SLAMF6: variants seen among roughly 807,000 people sequenced by gnomAD.
SLAMF6 encodes SLAM family member 6.
Under a neutral mutation model 38.3 loss-of-function variants are expected in SLAMF6, and 21 were observed. The ratio of observed to expected loss-of-function variants is 0.55; its 90% CI spans 0.39 to 0.79. The LOEUF (loss-of-function observed/expected upper bound fraction) is 0.79, where lower values mean the gene tolerates loss of function less well. Among genes scored for constraint, SLAMF6 ranks in the 30% least tolerant of loss-of-function variants. The pLI, the probability that SLAMF6 is intolerant of heterozygous loss-of-function variation, is 0.00. For synonymous variants in SLAMF6, 152 were observed against 146.3 expected (o/e 1.04, Z -0.28); for missense variants, 341 against 385.3 (o/e 0.89, Z 0.96).
At chr1:160,514,418 C>T (rs1229551917) in intron 1 of SLAMF6, among the ~76,000 whole-genome samples, 1 of 152,166 alleles carries the variant, frequency 6.6e-6, no homozygotes, top group Non-Finnish European at 1.5e-5. Flanking sequence ...GAGACTTTAA[C>T]ATCCACTGTC....
Position 160,489,016 on chromosome 1 carries a change from G to T in SLAMF6, c.879+72C>A, listed in dbSNP as rs1405065118. ...CAGTGGTCATTTGTTCAGTCAGATGGTTATGGTGACAAGTTTGTGAACAAT... is the reference window on the plus strand; with the variant it reads ...CAGTGGTCATTTGTTCAGTCAGATGTTTATGGTGACAAGTTTGTGAACAAT... On this transcript the variant is annotated intron_variant, in intron 6 of 7. Coordinates refer to ENST00000368057, the MANE Select transcript of SLAMF6 (RefSeq NM_001184714.2). 1.2e-5 allele frequency: 16 copies of T among 1,380,540 alleles called. No homozygotes were observed. The Admixed American group carries it at 1.8e-4, about 16-fold the overall frequency. The allele number at this position is 1,380,540 out of a possible 1,614,324, so 85.5% of individuals were successfully genotyped here. A position where few individuals can be genotyped will look rare whatever the true frequency, so the allele number is the denominator to read the frequency against.
chr1:160,496,971 A>C (rs2102028739), intron 1 of SLAMF6, among the ~76,000 whole-genome samples: 1 of 152,294 alleles, frequency 6.6e-6, no homozygotes, highest in Non-Finnish European at 1.5e-5. Context: ...TTCCATTTAT[A>C]GATAAAGGAA....
intron 2 of SLAMF6, among the ~76,000 whole-genome samples, chr1:160,493,264 T>C (rs1653400202): frequency 6.6e-6 from 1 of 152,306 alleles, no homozygotes; most frequent in South Asian, 2.1e-4. Flanking sequence ...TCTATGCGGA[T>C]GGCGTGTCTT....
intron 1 of SLAMF6, among the ~76,000 whole-genome samples, chr1:160,497,253 A>G (rs1190708817): frequency 6.6e-6 from 1 of 152,200 alleles, no homozygotes; most frequent in Non-Finnish European, 1.5e-5. Context: ...TTAAGCAAAA[A>G]CGGTGAAATG....
chr1:160,487,490 C>G (rs191130149), intron 6 of SLAMF6, among the ~76,000 whole-genome samples: 1 of 152,136 alleles, frequency 6.6e-6, no homozygotes, highest in Non-Finnish European at 1.5e-5. Flanking sequence ...TTTCCTTCCT[C>G]CATTTTTAAG....
In SLAMF6 at chr1:160,486,421, A is replaced by G. The variant is rs1308306303; in HGVS notation, c.*286T>C. 1 of 354,074 alleles carries G rather than the reference A, an allele frequency of 2.8e-6. No individual in the cohort carries two copies. The highest frequency in any genetic ancestry group is 2.1e-5 in the African/African-American group (1 of 47,628). 21.9% of individuals were successfully genotyped at this position (354,074 alleles called of 1,614,324 possible). A position where few individuals can be genotyped will look rare whatever the true frequency, so the allele number is the denominator to read the frequency against. On this transcript the variant is annotated 3_prime_UTR_variant, in exon 8 of 8. Coordinates refer to ENST00000368057, the MANE Select transcript of SLAMF6 (RefSeq NM_001184714.2). ...CTGTCAACCATAATTCCATTTGCTTAGTTATCAAAGAGAGAGTCAATGTGC... is the reference window on the plus strand; with the variant it reads ...CTGTCAACCATAATTCCATTTGCTTGGTTATCAAAGAGAGAGTCAATGTGC...
At chr1:160,522,179 C>T (rs758905061) in intron 1 of SLAMF6, among the ~76,000 whole-genome samples, 1 of 152,170 alleles carries the variant, frequency 6.6e-6, no homozygotes, top group Non-Finnish European at 1.5e-5. Flanking sequence ...ATAACTATTA[C>T]AAGAGCTTGT....
chr1:160,486,872 A>C (rs1304609129), intron 7 of SLAMF6, 118 bp from the exon 8 acceptor site: 1 of 1,154,072 alleles, frequency 8.7e-7, no homozygotes, highest in Non-Finnish European at 1.3e-6. Context: ...AGATATTGAT[A>C]GCATAGGGCA....
chr1:160,519,098 CTT>C (rs1654873263), intron 1 of SLAMF6, among the ~76,000 whole-genome samples: 1 of 152,194 alleles, frequency 6.6e-6, no homozygotes, highest in Non-Finnish European at 1.5e-5. Context: ...ATAAACAACT[CTT>C]ATAACTCAAT....
At chr1:160,513,770 T>C (rs1039746774) in intron 1 of SLAMF6, among the ~76,000 whole-genome samples, 2 of 152,136 alleles carry the variant, frequency 1.3e-5, no homozygotes, top group South Asian at 4.1e-4. Context: ...TGAAGCTTCA[T>C]AAGCAAAGGA....
intron 1 of SLAMF6, among the ~76,000 whole-genome samples, chr1:160,512,178 AGAG>A (rs1654504641): frequency 6.6e-6 from 1 of 152,210 alleles, no homozygotes; most frequent in Admixed American, 6.5e-5. Flanking sequence ...TGCCAGTGCC[AGAG>A]GGACTGGTGG....
chr1:160,492,721 C>T lies in SLAMF6; in HGVS notation c.383-1333G>A, dbSNP rs73012477. Among the ~76,000 whole-genome samples the T allele has an allele frequency of 9.8e-3, 1,488 of 152,306 alleles. 20 individuals are homozygous for T. Among genetic ancestry groups the T allele is most frequent in the African/African-American group, 0.033 (1,392 of 41,556 alleles). The stretch of plus-strand genomic sequence containing the variant: ...CTCCCGTTTTTCTCTCCCAAACCTT[C>T]TCAACCTGCAGTTTTACCCATCTGA... On this transcript the variant is annotated intron_variant, in intron 2 of 7. Transcript: ENST00000368057.
chr1:160,492,090 C>T (rs1653334249), intron 2 of SLAMF6, among the ~76,000 whole-genome samples: 1 of 152,094 alleles, frequency 6.6e-6, no homozygotes, highest in South Asian at 2.1e-4. Context: ...TGTGAGATGA[C>T]ATGTGATGTA....
intron 1 of SLAMF6, among the ~76,000 whole-genome samples, chr1:160,517,216 C>T (rs1274692125): frequency 1.3e-5 from 2 of 152,108 alleles, no homozygotes; most frequent in African/African-American, 2.4e-5. Flanking sequence ...TTAACAGACA[C>T]TTCTCAAAAG....
At chr1:160,487,054 T>G (rs1440226729) in intron 7 of SLAMF6, 50 bp downstream of exon 7, 5 of 1,454,126 alleles carry the variant, frequency 3.4e-6, no homozygotes, top group Non-Finnish European at 4.8e-6. Context: ...AAATCATAGG[T>G]CTGTGGAGAG....
At chr1:160,497,994 C>A (rs1653683315) in intron 1 of SLAMF6, among the ~76,000 whole-genome samples, 1 of 151,826 alleles carries the variant, frequency 6.6e-6, no homozygotes. Context: ...GGCTATATAC[C>A]CAGTAATGGG....
chr1:160,519,886 A>C (rs1316594801), intron 1 of SLAMF6, among the ~76,000 whole-genome samples: 1 of 152,186 alleles, frequency 6.6e-6, no homozygotes, highest in African/African-American at 2.4e-5. Flanking sequence ...GTGGTTTCAC[A>C]AAATGTACAA....
chr1:160,516,406 A>G (rs532838177), intron 1 of SLAMF6, among the ~76,000 whole-genome samples: 38 of 152,334 alleles, frequency 2.5e-4, no homozygotes. Context: ...AAGAATCAAC[A>G]TCATGAAAAT....
At chr1:160,507,771 A>C (rs1208136697) in intron 1 of SLAMF6, among the ~76,000 whole-genome samples, 1 of 152,182 alleles carries the variant, frequency 6.6e-6, no homozygotes, top group African/African-American at 2.4e-5. Flanking sequence ...CATAATTAAC[A>C]TAGTGTAAAA....
Sources: gnomAD v4.1 joint callset for allele counts (sites outside exome capture counted in the v4.1 genomes callset) on GRCh38, gnomAD v4.1.1 for gene constraint, MANE v1.5 for transcripts, NCBI Gene and HGNC (gene_info 2026-07-23, HGNC 2026-07-21) for gene names.